The following TSPAN11 variants were observed in gnomAD, a reference collection of about 807,000 sequenced individuals.
The protein encoded by TSPAN11 is tetraspanin-11.
Under a neutral mutation model 32.9 loss-of-function variants are expected in TSPAN11, and 29 were observed. The observed-to-expected ratio is 0.88, with a 90% CI of 0.66 to 1.20. The LOEUF is 1.20. Ranked by LOEUF, TSPAN11 falls within the 50% of genes most tolerant of loss-of-function variation. The pLI, the probability that TSPAN11 is intolerant of heterozygous loss-of-function variation, is 0.00. For synonymous variants in TSPAN11, 140 were observed against 141.3 expected, an observed-to-expected ratio of 0.99 and a Z score of 0.07; for missense variants, 283 against 329.1, an observed-to-expected ratio of 0.86 and a Z score of 1.08.
At chr12:30,965,255 C>T (rs1442611517) in intron 3 of TSPAN11, among the ~76,000 whole-genome samples, 2 of 152,210 alleles carry the variant, frequency 1.3e-5, no homozygotes, top group Non-Finnish European at 2.9e-5. Context: ...TCCTGTCCGG[C>T]TCTGCACCTG....
chr12:30,982,582 C>T lies in TSPAN11; in HGVS notation c.507C>T (p.Tyr169=), dbSNP rs769228673. Residue 169 remains tyrosine (Y), a synonymous_variant, in exon 6 of 8, where the codon TAC becomes TAT. Transcript: ENST00000546076. ...NSSADWQHST[Y]ILLREAEGRQ... ...CAGCCGACTGGCAGCACAGCACGTA[C>T]ATCCTGTTGCGGGAGGCCGAGGGCC... The T allele has an allele frequency of 2.0e-5, 32 of 1,613,012 alleles. No homozygotes were observed. Among genetic ancestry groups the T allele is most frequent in the East Asian group, 6.7e-5 (3 of 44,886 alleles).
intron 7 of TSPAN11, among the ~76,000 whole-genome samples, chr12:30,989,185 C>T (rs1049108374): frequency 6.6e-6 from 1 of 152,210 alleles, no homozygotes; most frequent in Non-Finnish European, 1.5e-5. Flanking sequence ...AAGTGTATGG[C>T]AGTCACAGTG....
intron 1 of TSPAN11, chr12:30,927,036 G>T (rs1355526940): frequency 1.1e-5 from 14 of 1,284,042 alleles, no homozygotes; most frequent in Non-Finnish European, 1.4e-5. Flanking sequence ...CACGCAACAC[G>T]GTGTCCATAA....
chr12:30,953,835 C>G, intron 1 of TSPAN11, 146 bp from the exon 2 acceptor site: 1 of 605,638 alleles, frequency 1.7e-6, no homozygotes, highest in South Asian at 2.1e-5. Flanking sequence ...CATCTTTGCT[C>G]CATGCTGCAC....
chr12:30,988,611 CCACACA>C (rs1565805585), intron 7 of TSPAN11: 2 of 152,006 alleles, frequency 1.3e-5, no homozygotes, highest in Admixed American at 1.3e-4. Context: ...AAAAAAAAAA[CCACACA>C]CACATTGCTC....
intron 7 of TSPAN11, among the ~76,000 whole-genome samples, chr12:30,987,806 ACCCTCGTGGT>A (rs1188158287): frequency 2.0e-5 from 3 of 152,140 alleles, no homozygotes; most frequent in African/African-American, 7.2e-5. Flanking sequence ...CAGATGCAGC[ACCCTCGTGGT>A]CTTGAAATGC....
intron 1 of TSPAN11, among the ~76,000 whole-genome samples, chr12:30,931,570 A>G (rs561292962): frequency 9.2e-5 from 14 of 152,242 alleles, no homozygotes; most frequent in African/African-American, 3.1e-4. Context: ...CCACGGTCCT[A>G]TACTGTGCTT....
intron 1 of TSPAN11, among the ~76,000 whole-genome samples, chr12:30,930,859 C>T (rs1307710675): frequency 2.6e-5 from 4 of 152,186 alleles, no homozygotes; most frequent in African/African-American, 9.7e-5. Context: ...ACTGGCCATG[C>T]GACTTCCACT....
At chr12:31,003,707 T>C in the TSPAN11 span, among the ~76,000 whole-genome samples, 1 of 152,180 alleles carries the variant, frequency 6.6e-6, no homozygotes, top group Non-Finnish European at 1.5e-5. Flanking sequence ...GTGTTTGCTC[T>C]GGAATCTGCA....
chr12:30,948,032 A>C (rs1231709771), intron 1 of TSPAN11, among the ~76,000 whole-genome samples: 2 of 152,178 alleles, frequency 1.3e-5, no homozygotes, highest in African/African-American at 2.4e-5. Flanking sequence ...TACAGGGCCC[A>C]TGCAAGTCCA....
At chr12:31,006,226 G>A in the TSPAN11 span, among the ~76,000 whole-genome samples, 1 of 152,174 alleles carries the variant, frequency 6.6e-6, no homozygotes, top group Non-Finnish European at 1.5e-5. Context: ...AATCTAGGGC[G>A]AGGCAGGGTG....
the TSPAN11 span, among the ~76,000 whole-genome samples, chr12:31,003,347 T>C: frequency 6.6e-6 from 1 of 152,202 alleles, no homozygotes; most frequent in Non-Finnish European, 1.5e-5. Flanking sequence ...CCACCTAATG[T>C]AGACTTGGCC....
intron 4 of TSPAN11, 125 bp from the exon 5 acceptor site, chr12:30,979,441 C>T (rs375683860): frequency 6.9e-5 from 58 of 838,504 alleles, no homozygotes; most frequent in African/African-American, 5.7e-4. Context: ...GAGAAACCTC[C>T]GCATCACACC....
At chr12:31,004,103 C>T in the TSPAN11 span, among the ~76,000 whole-genome samples, 12,904 of 152,210 alleles carry the variant, frequency 0.085, 787 homozygotes, top group East Asian at 0.23. Context: ...AGGGCTGCCA[C>T]CCACCAATGC....
At chr12:30,954,543 T>C (rs1938444078) in intron 2 of TSPAN11, 1 of 179,264 alleles carries the variant, frequency 5.6e-6, no homozygotes, top group Admixed American at 5.7e-5. Flanking sequence ...ATGAAAATAA[T>C]CTCTATGGCA....
chr12:30,938,858 T>C (rs1315937514), intron 1 of TSPAN11, among the ~76,000 whole-genome samples: 1 of 152,118 alleles, frequency 6.6e-6, no homozygotes, highest in Non-Finnish European at 1.5e-5. Flanking sequence ...AGCCCAACCC[T>C]GAGAGACTTT....
At position 30,995,514 on chromosome 12, in the gene TSPAN11, A is replaced by T. The variant is rs1020181837; in HGVS notation, c.*3599A>T. ...GTGGGGTGTGGGGGGAATATGGTAG[A>T]TCATTGTGATGTGCCTCGGGGCCCT... On this transcript the variant is annotated 3_prime_UTR_variant, in exon 8 of 8. Coordinates refer to ENST00000546076, the MANE Select transcript of TSPAN11 (RefSeq NM_001370302.1). The T allele has an allele frequency of 6.6e-6, 1 of 152,226 alleles. No individual in the cohort carries two copies. The highest frequency in any genetic ancestry group is 1.5e-5 in the Non-Finnish European group (1 of 68,102). 9.4% of individuals were successfully genotyped at this position (152,226 alleles called of 1,614,324 possible).
At chr12:31,004,549 T>A in the TSPAN11 span, among the ~76,000 whole-genome samples, 2 of 152,124 alleles carry the variant, frequency 1.3e-5, no homozygotes, top group South Asian at 4.1e-4. Flanking sequence ...CACTTCCACT[T>A]GCCCAATGGG....
chr12:30,965,539 G>A lies in TSPAN11; in HGVS notation c.276+1522G>A, dbSNP rs371504854. Among the ~76,000 whole-genome samples the A allele has an allele frequency of 1.1e-4, 17 of 152,112 alleles. 2 individuals carry two copies. The highest frequency in any genetic ancestry group is 4.1e-4 in the African/African-American group (17 of 41,504). On this transcript the variant is annotated intron_variant, in intron 3 of 7. Coordinates refer to ENST00000546076, the MANE Select transcript of TSPAN11 (RefSeq NM_001370302.1). ...GGCCAGTGGTCCCCTGCAGCACTGG[G>A]AAACAGGCCCTGCATTCCTCCCAGA...
Sources: allele counts gnomAD v4.1 joint callset (sites outside exome capture counted in the v4.1 genomes callset), GRCh38; gene constraint gnomAD v4.1.1; transcripts MANE v1.5; gene names NCBI Gene and HGNC (gene_info 2026-07-23, HGNC 2026-07-21).